The following CCDC180 variants were observed in gnomAD, a reference collection of about 807,000 sequenced individuals.
CCDC180 encodes coiled-coil domain containing 180.
CCDC180 carries 154 observed loss-of-function variants against 209.2 expected under a neutral mutation model. The ratio of observed to expected loss-of-function variants is 0.74; its 90% CI spans 0.65 to 0.84. The LOEUF is 0.84. Ranked by LOEUF, CCDC180 falls within the 40% of genes least tolerant of loss-of-function variation. CCDC180 has a pLI of 0.00. For synonymous variants in CCDC180, 778 were observed against 749.1 expected (o/e 1.04, Z -0.63); for missense variants, 1,874 against 1,997.3 (o/e 0.94, Z 1.18).
chr9:97,329,252 T>A (rs924192741), intron 16 of CCDC180, among the ~76,000 whole-genome samples: 1 of 152,242 alleles, frequency 6.6e-6, no homozygotes, highest in Non-Finnish European at 1.5e-5. Context: ...GTTAAAGGTA[T>A]AGGCACCATT....
At chr9:97,307,642 G>C (rs1832837377), upstream of CCDC180, 1 of 1,232,562 alleles carries the variant, frequency 8.1e-7, no homozygotes, top group African/African-American at 1.5e-5. Context: ...TAGAGTTCCA[G>C]TCCCAACCGA....
rs570235300 is a variant in CCDC180 at position 97,321,003 on chromosome 9, A to T, written c.1159+798A>T. 1.6e-3 allele frequency among the ~76,000 whole-genome samples: 250 copies of T among 152,280 alleles called. 1 individual carries two copies. Among genetic ancestry groups the T allele is most frequent in the Middle Eastern group, 6.8e-3 (2 of 294 alleles). On this transcript the variant is annotated intron_variant, in intron 11 of 36. Coordinates refer to ENST00000529487, the MANE Select transcript of CCDC180 (RefSeq NM_020893.6). Reference sequence around the variant, plus strand: ...TTTCTGGGGGCTGTGGTGCCTGGATACGTGGTGTGATACTCCCTGGCAATG... The same window carrying T: ...TTTCTGGGGGCTGTGGTGCCTGGATTCGTGGTGTGATACTCCCTGGCAATG...
At chr9:97,358,730 G>T (rs1234282609) in intron 25 of CCDC180, among the ~76,000 whole-genome samples, 2 of 152,092 alleles carry the variant, frequency 1.3e-5, no homozygotes, top group Non-Finnish European at 2.9e-5. Context: ...TGTCGCCCAG[G>T]CCACACCAGG....
intron 34 of CCDC180, chr9:97,374,181 C>T (rs990711010): frequency 8.6e-5 from 17 of 197,948 alleles, no homozygotes; most frequent in African/African-American, 2.8e-4. Flanking sequence ...GTGTTTGTTC[C>T]AGGGGAGGTT....
Position 97,309,602 on chromosome 9 carries a change from C to T in CCDC180, c.258C>T (p.His86=), listed in dbSNP as rs767557058. The T allele has an allele frequency of 1.3e-6, 2 of 1,571,376 alleles. No individual in the cohort carries two copies. The highest frequency in any genetic ancestry group is 3.9e-5 in the Admixed American group (2 of 51,080). ...NDWIMENPVL[H]REKERAKREK... ...GGATCATGGAAAACCCTGTTCTCCA[C>T]AGGTAGGTCCTGTTGTCCATGCCTC... The change falls in exon 3 of 37, where the codon CAC becomes CAT. Residue 86 remains histidine, a splice_region_variant and synonymous_variant. Coordinates refer to ENST00000529487, the MANE Select transcript of CCDC180 (RefSeq NM_020893.6).
intron 18 of CCDC180, among the ~76,000 whole-genome samples, chr9:97,333,473 G>A (rs1434342886): frequency 6.7e-6 from 1 of 148,584 alleles, no homozygotes; most frequent in East Asian, 2.0e-4. Context: ...GGTAGAATTT[G>A]GCTGTGAATC....
chr9:97,374,405 G>A (rs1827184552), intron 34 of CCDC180, 138 bp from the exon 35 acceptor site: 2 of 643,402 alleles, frequency 3.1e-6, no homozygotes, highest in Non-Finnish European at 5.4e-6. Context: ...CTTCTCCATG[G>A]AGAGGGCTCA....
intron 25 of CCDC180, among the ~76,000 whole-genome samples, chr9:97,358,356 A>G (rs1826648004): frequency 6.6e-6 from 1 of 152,066 alleles, no homozygotes; most frequent in South Asian, 2.1e-4. Flanking sequence ...TCCTGACCTC[A>G]AGTGACCCGC....
chr9:97,307,913 G>A (rs1444118221), intron 1 of CCDC180, 70 bp from the exon 2 acceptor site: 18 of 1,581,064 alleles, frequency 1.1e-5, no homozygotes, highest in East Asian at 2.2e-5. Flanking sequence ...CTGGGGTGCC[G>A]CCTCGAGGCC....
At chr9:97,371,954 CT>C in intron 34 of CCDC180, 1 of 296,502 alleles carries the variant, frequency 3.4e-6, no homozygotes. Context: ...TTAGGGATAC[CT>C]TTTCTAAGTA....
In CCDC180 at chr9:97,354,905, T is replaced by G; in HGVS notation, c.3161T>G (p.Ile1054Ser). Residue 1054 changes from isoleucine to serine, a missense_variant, in exon 24 of 37, where the codon ATC (isoleucine) becomes AGC (serine). Coordinates refer to ENST00000529487, the MANE Select transcript of CCDC180 (RefSeq NM_020893.6). ...CTCTCTGTACAGGCCAATGATGTCA[T>G]CAACAAGTTTGAAAGCAAATTCCAT... is the stretch of plus-strand genomic sequence containing the variant. Reference protein sequence around the residue: ...NEYLDQANDVINKFESKFHNL... With the variant: ...NEYLDQANDVSNKFESKFHNL... The G allele has an allele frequency of 6.2e-7, 1 of 1,613,344 alleles. No individual in the cohort carries two copies. The highest frequency in any genetic ancestry group is 8.5e-7 in the Non-Finnish European group (1 of 1,179,202).
rs185688924 is a variant in CCDC180, at chr9:97,371,050, G to A, written c.4488+272G>A. Reference sequence around the variant, plus strand: ...GCAATCTCGGCTCACTGCAAGCTCCGCTTCCCGGGTTCACGCCATTCTCCT... The same window carrying A: ...GCAATCTCGGCTCACTGCAAGCTCCACTTCCCGGGTTCACGCCATTCTCCT... On this transcript the variant is annotated intron_variant, in intron 33 of 36. Transcript: ENST00000529487. 9.9e-3 allele frequency: 1,802 copies of A among 182,028 alleles called. 57 individuals are homozygous for A. The highest frequency in any genetic ancestry group is 0.098 in the East Asian group (693 of 7,050). The allele number at this position is 182,028 out of a possible 1,614,324, so 11.3% of individuals were successfully genotyped here. A position where few individuals can be genotyped will look rare whatever the true frequency, so the allele number is the denominator to read the frequency against.
Position 97,314,909 on chromosome 9 carries a change from G to T in CCDC180, c.758G>T (p.Arg253Leu). 1.2e-6 allele frequency: 2 copies of T among 1,614,122 alleles called. No homozygotes were observed. Among genetic ancestry groups the T allele is most frequent in the Admixed American group, 1.7e-5 (1 of 60,014 alleles). The stretch of plus-strand genomic sequence containing the variant: ...ATAGAGAAAACTTCCTACCTCATGC[G>T]GCCCGAAGTGTACAGGCTGATAAAT... Reference protein sequence around the residue: ...EVIEKTSYLMRPEVYRLINEE... With the variant: ...EVIEKTSYLMLPEVYRLINEE... Residue 253 changes from arginine (R) to leucine (L), a missense_variant, in exon 8 of 37, where the codon CGG becomes CTG. By Grantham distance (102) the Arg-to-Leu change is moderately radical. Transcript: ENST00000529487.
chr9:97,370,312 G>C (rs944046987), intron 32 of CCDC180, among the ~76,000 whole-genome samples: 4 of 152,284 alleles, frequency 2.6e-5, no homozygotes, highest in Admixed American at 6.5e-5. Context: ...GGGTGGGTGT[G>C]CTGGGTTCCG....
chr9:97,333,503 G>GTTTTTGTTT (rs1564157871), intron 18 of CCDC180, among the ~76,000 whole-genome samples: 6 of 72,850 alleles, frequency 8.2e-5, no homozygotes, highest in Non-Finnish European at 1.0e-4. Context: ...CTGGGTTTGG[G>GTTTTTGTTT]TTTTTTTTTT....
At position 97,366,822 on chromosome 9, in the gene CCDC180, G is replaced by A. The variant is rs1036901548; in HGVS notation, c.4189+122G>A. ...GGGGGAGGCAGAAGAGCTTCCCTGT[G>A]AAAAGCTGACCTCTTAAAATTAGGT... On this transcript the variant is annotated intron_variant, in intron 31 of 36. Transcript: ENST00000529487. This position sits in a 1 kb window ranked among gnomAD's most constrained non-coding sequence, Gnocchi z 4.3. The A allele has an allele frequency of 5.9e-6, 6 of 1,015,242 alleles. No homozygotes were observed. Among genetic ancestry groups the A allele is most frequent in the Non-Finnish European group, 6.9e-6 (5 of 726,742 alleles). 62.9% of individuals were successfully genotyped at this position (1,015,242 alleles called of 1,614,324 possible).
chr9:97,360,213 G>T (rs978111956), intron 26 of CCDC180, 112 bp downstream of exon 26: 14 of 1,293,734 alleles, frequency 1.1e-5, no homozygotes, highest in African/African-American at 1.5e-5. Flanking sequence ...CCAGGCCTCC[G>T]CGGGACATCA....
At chr9:97,328,462 ACCTACT>A (rs1241343159) in intron 16 of CCDC180, among the ~76,000 whole-genome samples, 1 of 151,992 alleles carries the variant, frequency 6.6e-6, no homozygotes, top group Admixed American at 6.6e-5. Context: ...GCTTTAACCC[ACCTACT>A]CTCCTGCAAA....
chr9:97,330,793 G>A (rs770647408), intron 18 of CCDC180, 26 bp downstream of exon 18: 2 of 1,571,836 alleles, frequency 1.3e-6, no homozygotes, highest in Non-Finnish European at 8.6e-7. Context: ...ATTCATTCTT[G>A]GGCATAGAGA....
Sources: allele counts gnomAD v4.1 joint callset (sites outside exome capture counted in the v4.1 genomes callset), GRCh38; gene constraint gnomAD v4.1.1; non-coding constraint Gnocchi (gnomAD v3.1); transcripts MANE v1.5; gene names NCBI Gene and HGNC (gene_info 2026-07-23, HGNC 2026-07-21).